Variants in NRXN3 observed in about 807,000 individuals in gnomAD.
NRXN3 encodes the protein neurexin III.
A neutral mutation model predicts 137.6 loss-of-function variants in NRXN3; 32 were observed. The ratio of observed to expected loss-of-function variants is 0.23; its 90% CI spans 0.18 to 0.31. NRXN3 has a LOEUF of 0.31. Ranked by LOEUF, NRXN3 falls within the 10% of genes least tolerant of loss-of-function variation. The pLI is 1.00. For missense variants in NRXN3, 1,574 were observed against 2,062.5 expected, an observed-to-expected ratio of 0.76 and a Z score of 4.59; for synonymous variants, 798 against 784.5, an observed-to-expected ratio of 1.02 and a Z score of -0.29.
intron 19 of NRXN3, among the ~76,000 whole-genome samples, chr14:79,803,309 G>A (rs2099189125): frequency 1.3e-5 from 2 of 152,188 alleles, no homozygotes; most frequent in South Asian, 4.1e-4. Context: ...ATTTATTAGG[G>A]TTGTCATAAC....
chr14:79,802,044 GA>G (rs766291290), intron 19 of NRXN3, among the ~76,000 whole-genome samples: 4,111 of 124,336 alleles, frequency 0.033, 115 homozygotes, highest in African/African-American at 0.078. Flanking sequence ...TCCTTTTTCT[GA>G]AAAAAAAAAA....
At chr14:78,826,990 C>T (rs534315455) in intron 10 of NRXN3, among the ~76,000 whole-genome samples, 3 of 152,150 alleles carry the variant, frequency 2.0e-5, no homozygotes, top group African/African-American at 7.2e-5. Flanking sequence ...AATAAGTTCT[C>T]CCTGATTTTG....
chr14:79,274,762 C>T (rs2080011562), intron 15 of NRXN3, among the ~76,000 whole-genome samples: 1 of 152,104 alleles, frequency 6.6e-6, no homozygotes, highest in Non-Finnish European at 1.5e-5. Flanking sequence ...AATGTCCCAG[C>T]TACATTATTC....
intron 1 of NRXN3, among the ~76,000 whole-genome samples, chr14:78,212,094 A>T (rs1367361357): frequency 2.6e-5 from 4 of 152,156 alleles, no homozygotes; most frequent in Admixed American, 2.6e-4. Flanking sequence ...AACTAACTAG[A>T]TTACTGTGAC....
At chr14:79,489,502 G>A (rs2096691679) in intron 16 of NRXN3, among the ~76,000 whole-genome samples, 1 of 152,142 alleles carries the variant, frequency 6.6e-6, no homozygotes, top group African/African-American at 2.4e-5. Context: ...ATTTGCATTA[G>A]TATGGAACCA....
chr14:79,587,295 T>C (rs770489575), intron 16 of NRXN3, among the ~76,000 whole-genome samples: 21 of 152,378 alleles, frequency 1.4e-4, no homozygotes, highest in Non-Finnish European at 2.8e-4. Context: ...TTTGCCACTA[T>C]AAATATAGTT....
At chr14:79,546,340 T>C (rs994818728) in intron 16 of NRXN3, among the ~76,000 whole-genome samples, 1 of 152,184 alleles carries the variant, frequency 6.6e-6, no homozygotes, top group African/African-American at 2.4e-5. Flanking sequence ...AGATACATAG[T>C]AGAAATAAAA....
intron 15 of NRXN3, among the ~76,000 whole-genome samples, chr14:79,251,325 A>G (rs571751296): frequency 8.5e-4 from 130 of 152,288 alleles, no homozygotes; most frequent in Middle Eastern, 3.4e-3. Flanking sequence ...AGAATGGGAA[A>G]CAGGGGCCGA....
intron 1 of NRXN3, among the ~76,000 whole-genome samples, chr14:78,176,943 G>A (rs1258688126): frequency 6.6e-6 from 1 of 152,088 alleles, no homozygotes; most frequent in Non-Finnish European, 1.5e-5. Flanking sequence ...AAGACTGGTG[G>A]GCTATATTCC....
intron 15 of NRXN3, among the ~76,000 whole-genome samples, chr14:79,054,581 T>C (rs2099652528): frequency 6.6e-6 from 1 of 152,212 alleles, no homozygotes; most frequent in African/African-American, 2.4e-5. Context: ...CCAGTCAAAA[T>C]ATGCCTTTGG....
intron 19 of NRXN3, among the ~76,000 whole-genome samples, chr14:79,757,812 A>G (rs1194516332): frequency 2.0e-5 from 3 of 152,156 alleles, no homozygotes; most frequent in South Asian, 2.1e-4. Context: ...AACTTTTTAG[A>G]TACTATTAAG....
intron 15 of NRXN3, among the ~76,000 whole-genome samples, chr14:79,373,106 T>C (rs1189619527): frequency 6.6e-6 from 1 of 152,180 alleles, no homozygotes; most frequent in Non-Finnish European, 1.5e-5. Context: ...ATGAATGAGA[T>C]GTTTAGGTCC....
intron 8 of NRXN3, among the ~76,000 whole-genome samples, chr14:78,763,396 GT>G (rs1465921653): frequency 6.6e-6 from 1 of 152,002 alleles, no homozygotes; most frequent in Non-Finnish European, 1.5e-5. Flanking sequence ...TTGAAATGTT[GT>G]TGTAAGCATT....
At chr14:79,653,670 G>C (rs1264725639) in intron 16 of NRXN3, among the ~76,000 whole-genome samples, 1 of 152,116 alleles carries the variant, frequency 6.6e-6, no homozygotes, top group Non-Finnish European at 1.5e-5. Context: ...AATTGAGTGA[G>C]CTTTTGTAGA....
chr14:79,726,387 T>G (rs1240236026), intron 19 of NRXN3, among the ~76,000 whole-genome samples: 1 of 152,202 alleles, frequency 6.6e-6, no homozygotes, highest in Non-Finnish European at 1.5e-5. Context: ...TCTACCTAAC[T>G]GCATTCTGTT....
intron 15 of NRXN3, among the ~76,000 whole-genome samples, chr14:79,205,896 A>G (rs2066715474): frequency 6.6e-6 from 1 of 152,196 alleles, no homozygotes; most frequent in Admixed American, 6.5e-5. Flanking sequence ...GTTTAAAAGA[A>G]TCATTTAGGC....
At chr14:79,731,004 G>GA (rs1317346609) in intron 19 of NRXN3, among the ~76,000 whole-genome samples, 15 of 152,188 alleles carry the variant, frequency 9.9e-5, no homozygotes, top group Middle Eastern at 3.4e-3. Context: ...GTTTCCTTTG[G>GA]AAAAAACCTA....
intron 15 of NRXN3, among the ~76,000 whole-genome samples, chr14:79,038,239 A>G (rs775931212): frequency 3.9e-5 from 6 of 151,946 alleles, no homozygotes; most frequent in Non-Finnish European, 8.8e-5. Flanking sequence ...TCCACATCCC[A>G]GAGTCAACAA....
intron 10 of NRXN3, among the ~76,000 whole-genome samples, chr14:78,919,825 T>C (rs1364871086): frequency 6.6e-6 from 1 of 152,220 alleles, no homozygotes; most frequent in African/African-American, 2.4e-5. Flanking sequence ...CAATTTTTAT[T>C]TGAAGCTTTC....
Sources: allele counts gnomAD v4.1 joint callset (sites outside exome capture counted in the v4.1 genomes callset), GRCh38; gene constraint gnomAD v4.1.1; transcripts MANE v1.5; gene names NCBI Gene and HGNC (gene_info 2026-07-23, HGNC 2026-07-21).